ANKRD27: variants seen among roughly 807,000 people sequenced by gnomAD.
ANKRD27 encodes the protein ankyrin repeat domain-containing protein 27.
In ANKRD27, 112 loss-of-function variants were observed where a neutral mutation model predicts 129.7. The observed-to-expected ratio is 0.86, with a 90% CI of 0.74 to 1.01. The LOEUF is 1.01. Ranked by LOEUF, ANKRD27 falls within the 50% of genes least tolerant of loss-of-function variation. The pLI is 0.00. For synonymous variants in ANKRD27, 516 were observed against 511.2 expected (o/e 1.01, Z -0.13); for missense variants, 1,258 against 1,300.5 (o/e 0.97, Z 0.50).
intron 18 of ANKRD27, among the ~76,000 whole-genome samples, chr19:32,619,853 G>A (rs887234606): frequency 4.6e-5 from 7 of 152,228 alleles, no homozygotes; most frequent in Admixed American, 1.3e-4. Context: ...AGCCAGACCC[G>A]CATGGAGCCT....
chr19:32,609,448 C>G (rs1971801224), intron 22 of ANKRD27, among the ~76,000 whole-genome samples: 1 of 152,102 alleles, frequency 6.6e-6, no homozygotes, highest in Non-Finnish European at 1.5e-5. Flanking sequence ...GTGAATGAAA[C>G]AACAAATTCT....
chr19:32,642,193 C>A (rs374961754), intron 9 of ANKRD27, 48 bp from the exon 10 acceptor site: 2 of 1,506,864 alleles, frequency 1.3e-6, no homozygotes, highest in Non-Finnish European at 1.8e-6. Context: ...AGTAAGAGAA[C>A]CCTCTGGCCT....
intron 1 of ANKRD27, among the ~76,000 whole-genome samples, chr19:32,662,182 T>C (rs1230721850): frequency 6.6e-6 from 1 of 151,720 alleles, no homozygotes; most frequent in African/African-American, 2.4e-5. Flanking sequence ...TGTGGTGGCA[T>C]GTGCCTGTTA....
rs879548512 is a variant in ANKRD27 at position 32,597,941 on chromosome 19, A to C, written c.*204T>G. Reference sequence around the variant, plus strand: ...TTTGTCTGTTTCAATTGTATTCATTAGCTTTGAAGAGGAGAGAGATGGTGG... The same window carrying C: ...TTTGTCTGTTTCAATTGTATTCATTCGCTTTGAAGAGGAGAGAGATGGTGG... On this transcript the variant is annotated 3_prime_UTR_variant, in exon 29 of 29. Transcript: ENST00000306065. The C allele has an allele frequency of 8.5e-6, 5 of 591,054 alleles. No homozygotes were observed. In the Admixed American group the frequency reaches 1.2e-4, roughly 14 times the overall value. The allele number at this position is 591,054 out of a possible 1,614,324, so 36.6% of individuals were successfully genotyped here. A position where few individuals can be genotyped will look rare whatever the true frequency, so the allele number is the denominator to read the frequency against.
At chr19:32,620,037 C>T (rs1368586492) in intron 18 of ANKRD27, among the ~76,000 whole-genome samples, 2 of 152,062 alleles carry the variant, frequency 1.3e-5, no homozygotes, top group Non-Finnish European at 2.9e-5. Flanking sequence ...ACAAACGCCA[C>T]GGCAATAGAA....
intron 22 of ANKRD27, among the ~76,000 whole-genome samples, chr19:32,612,460 T>TA (rs1971848953): frequency 6.6e-6 from 1 of 152,126 alleles, no homozygotes; most frequent in South Asian, 2.1e-4. Flanking sequence ...AATAAATAAA[T>TA]AAAATTTACA....
At chr19:32,655,322 C>T (rs1336015016) in intron 2 of ANKRD27, 1 of 152,508 alleles carries the variant, frequency 6.6e-6, no homozygotes, top group Non-Finnish European at 1.5e-5. Flanking sequence ...CTCACTGATT[C>T]AAGTCCACCA....
chr19:32,661,199 TAAA>T (rs78062810), intron 1 of ANKRD27, among the ~76,000 whole-genome samples: 1 of 114,858 alleles, frequency 8.7e-6, no homozygotes, highest in Non-Finnish European at 1.8e-5. Flanking sequence ...AGATGCTGTC[TAAA>T]AAAAAAAAAA....
chr19:32,607,160 A>T (rs1971756333), intron 23 of ANKRD27, among the ~76,000 whole-genome samples: 1 of 147,448 alleles, frequency 6.8e-6, no homozygotes, highest in Admixed American at 6.8e-5. Context: ...AAAAAAAAAA[A>T]AAAAAAGGCA....
chr19:32,649,849 G>A, intron 2 of ANKRD27, 57 bp from the exon 3 acceptor site: 2 of 1,168,306 alleles, frequency 1.7e-6, no homozygotes, highest in Non-Finnish European at 2.6e-6. Context: ...CACCTCAGCA[G>A]AACAAGGTGT....
chr19:32,641,763 TCTTC>T (rs940816812), intron 10 of ANKRD27, among the ~76,000 whole-genome samples: 2 of 88,366 alleles, frequency 2.3e-5, no homozygotes, highest in Non-Finnish European at 4.2e-5. Flanking sequence ...TTCTTTTACT[TCTTC>T]TTTTTTTTTT....
intron 21 of ANKRD27, 84 bp downstream of exon 21, chr19:32,617,505 C>T (rs1971937699): frequency 1.5e-6 from 1 of 655,302 alleles, no homozygotes; most frequent in South Asian, 1.8e-5. Flanking sequence ...CATGATCACG[C>T]CACTGCACTC....
At chr19:32,625,237 C>T (rs1972071271) in intron 17 of ANKRD27, among the ~76,000 whole-genome samples, 1 of 152,080 alleles carries the variant, frequency 6.6e-6, no homozygotes, top group Non-Finnish European at 1.5e-5. Context: ...GCCTAGGTGC[C>T]AGAGTGAGGC....
rs531869830 is a variant in ANKRD27 at position 32,639,647 on chromosome 19, G to C, written c.984-159C>G. On this transcript the variant is annotated intron_variant, in intron 11 of 28. Coordinates refer to ENST00000306065, the MANE Select transcript of ANKRD27 (RefSeq NM_032139.3). ...CTGGATCTCTCTGCAGAGTGTGTGC[G>C]ATTAGGAACACAAGTAAAATGACTA... is the stretch of plus-strand genomic sequence containing the variant. Among the ~76,000 whole-genome samples, 4 of 152,262 alleles carry C rather than the reference G, an allele frequency of 2.6e-5. No individual in the cohort carries two copies. The East Asian group carries it at 7.7e-4, about 29-fold the overall frequency.
Position 32,675,146 on chromosome 19 carries a change from C to A in ANKRD27, c.-106G>T, listed in dbSNP as rs923135895. ...CCTCCCTCGTCCGCTGCTGGGACCTCGATGCCCACCACCCTCGCGCGGCGA... is the reference window on the plus strand; with the variant it reads ...CCTCCCTCGTCCGCTGCTGGGACCTAGATGCCCACCACCCTCGCGCGGCGA... On this transcript the variant is annotated 5_prime_UTR_variant, in exon 1 of 29. Coordinates refer to ENST00000306065, the MANE Select transcript of ANKRD27 (RefSeq NM_032139.3). 6.6e-6 allele frequency: 1 copy of A among 152,434 alleles called. No homozygotes were observed. The highest frequency in any genetic ancestry group is 1.5e-5 in the Non-Finnish European group (1 of 68,242). 9.4% of individuals were successfully genotyped at this position (152,434 alleles called of 1,614,324 possible).
intron 12 of ANKRD27, chr19:32,639,128 G>GA (rs1967145242): frequency 2.5e-5 from 14 of 564,864 alleles, no homozygotes; most frequent in Non-Finnish European, 4.4e-5. Context: ...AATGAAGTAG[G>GA]ATATTAACAA....
At chr19:32,639,897 G>A (rs950500855) in intron 11 of ANKRD27, among the ~76,000 whole-genome samples, 21 of 152,202 alleles carry the variant, frequency 1.4e-4, no homozygotes, top group Admixed American at 7.9e-4. Flanking sequence ...CACCTAGCTC[G>A]TAACAGGTGT....
chr19:32,637,311 T>C (rs1599756792), intron 12 of ANKRD27: 1 of 152,326 alleles, frequency 6.6e-6, no homozygotes, highest in African/African-American at 2.4e-5. Flanking sequence ...ATTTCAACTT[T>C]GTGATTTCTG....
At chr19:32,629,943 C>T (rs1966963796) in intron 13 of ANKRD27, among the ~76,000 whole-genome samples, 6 of 150,384 alleles carry the variant, frequency 4.0e-5, no homozygotes. Context: ...TGCTATGTTG[C>T]CCAGGCTGGA....
Sources: allele counts gnomAD v4.1 joint callset (sites outside exome capture counted in the v4.1 genomes callset), GRCh38; gene constraint gnomAD v4.1.1; transcripts MANE v1.5; gene names NCBI Gene and HGNC (gene_info 2026-07-23, HGNC 2026-07-21).